The following PLCXD3 variants were observed in gnomAD, a reference collection of about 807,000 sequenced individuals.
PLCXD3 encodes phosphatidylinositol specific phospholipase C X domain containing 3, also known as PI-PLC X domain-containing protein 3.
In PLCXD3, 19 loss-of-function variants were observed where a neutral mutation model predicts 25.5. The ratio of observed to expected loss-of-function variants is 0.75; its 90% CI spans 0.52 to 1.09. The LOEUF (loss-of-function observed/expected upper bound fraction) is 1.09. Ranked by LOEUF, PLCXD3 falls within the 50% of genes least tolerant of loss-of-function variation. The probability of loss-of-function intolerance (pLI) is 0.00; values close to 1 mark genes in which losing one functional copy is unlikely to be tolerated. For missense variants in PLCXD3, 411 were observed against 388.1 expected (o/e 1.06, Z -0.50); for synonymous variants, 174 against 137.6 (o/e 1.26, Z -1.85).
At chr5:41,507,084 G>A (rs1749065026) in intron 1 of PLCXD3, among the ~76,000 whole-genome samples, 2 of 152,172 alleles carry the variant, frequency 1.3e-5, no homozygotes, top group African/African-American at 2.4e-5. Context: ...CACCTTATGT[G>A]TTCCCATGAT....
rs569035941 is a variant in PLCXD3, at chr5:41,363,008, T to G, written c.812+18818A>C. ...TTTTTACAACATATTATAGTACATATGTCCATAGAAACTGTCATTGTTACC... is the reference window on the plus strand; with the variant it reads ...TTTTTACAACATATTATAGTACATAGGTCCATAGAAACTGTCATTGTTACC... On this transcript the variant is annotated intron_variant, in intron 2 of 2. Coordinates refer to ENST00000377801, the MANE Select transcript of PLCXD3 (RefSeq NM_001005473.3). Among the ~76,000 whole-genome samples the G allele has an allele frequency of 6.6e-5, 10 of 152,316 alleles. No homozygotes were observed. The South Asian group carries it at 1.9e-3, about 28-fold the overall frequency.
intron 2 of PLCXD3, among the ~76,000 whole-genome samples, chr5:41,364,721 C>A (rs1021810197): frequency 6.6e-6 from 1 of 152,270 alleles, no homozygotes; most frequent in East Asian, 1.9e-4. Context: ...AAAAGCAGTG[C>A]AAAGGCCAAC....
intron 1 of PLCXD3, among the ~76,000 whole-genome samples, chr5:41,422,636 A>G (rs1471136387): frequency 6.6e-6 from 1 of 152,160 alleles, no homozygotes; most frequent in African/African-American, 2.4e-5. Flanking sequence ...ACCTTCCAAC[A>G]TTATATTTCT....
chr5:41,452,293 G>C, intron 1 of PLCXD3, among the ~76,000 whole-genome samples: 1 of 152,044 alleles, frequency 6.6e-6, no homozygotes, highest in East Asian at 1.9e-4. Context: ...GAATGGCAAA[G>C]GGGAACTGAT....
At chr5:41,483,931 C>T (rs915449916) in intron 1 of PLCXD3, among the ~76,000 whole-genome samples, 4 of 152,034 alleles carry the variant, frequency 2.6e-5, no homozygotes, top group African/African-American at 9.7e-5. Context: ...TTTTACTGAT[C>T]TTGGTATTCT....
chr5:41,484,913 A>G (rs1485431618), intron 1 of PLCXD3, among the ~76,000 whole-genome samples: 1 of 152,174 alleles, frequency 6.6e-6, no homozygotes, highest in Non-Finnish European at 1.5e-5. Flanking sequence ...AAATCCTTGT[A>G]GGCAATTAAA....
Position 41,314,639 on chromosome 5 carries a change from T to C in PLCXD3, c.813-869A>G, listed in dbSNP as rs571584775. ...CAAGGGAGTTAGTCATGTGGCTATC[T>C]AGGGAAAGCATCCCAGCTATTGCCA... is the stretch of plus-strand genomic sequence containing the variant. On this transcript the variant is annotated intron_variant, in intron 2 of 2. Coordinates refer to ENST00000377801, the MANE Select transcript of PLCXD3 (RefSeq NM_001005473.3). 5.3e-5 allele frequency among the ~76,000 whole-genome samples: 8 copies of C among 152,256 alleles called. No homozygotes were observed. In the South Asian group the frequency reaches 1.7e-3, roughly 32 times the overall value.
chr5:41,403,336 A>G (rs1217570541), intron 1 of PLCXD3, among the ~76,000 whole-genome samples: 2 of 143,504 alleles, frequency 1.4e-5, no homozygotes, highest in African/African-American at 5.2e-5. Flanking sequence ...TTGTAAGCAT[A>G]CAGAAAAGTA....
chr5:41,382,818 T>A (rs901721851), intron 1 of PLCXD3, among the ~76,000 whole-genome samples: 15 of 152,104 alleles, frequency 9.9e-5, no homozygotes, highest in Non-Finnish European at 1.6e-4. Flanking sequence ...AAGAATGTAA[T>A]ACACTCACTA....
Position 41,309,926 on chromosome 5 carries a change from G to T in PLCXD3, c.*3691C>A. On this transcript the variant is annotated 3_prime_UTR_variant, in exon 3 of 3. Transcript: ENST00000377801. ...AATGTAGGAGATATTGATTTTAAGA[G>T]TTGAAACAGCAATAGACTCAGATTG... 6.6e-6 allele frequency: 1 copy of T among 152,078 alleles called. No individual in the cohort carries two copies. Among genetic ancestry groups the T allele is most frequent in the Admixed American group, 6.6e-5 (1 of 15,242 alleles). 9.4% of individuals were successfully genotyped at this position (152,078 alleles called of 1,614,324 possible). A position where few individuals can be genotyped will look rare whatever the true frequency, so the allele number is the denominator to read the frequency against.
At chr5:41,417,445 A>G (rs1746720504) in intron 1 of PLCXD3, among the ~76,000 whole-genome samples, 1 of 152,224 alleles carries the variant, frequency 6.6e-6, no homozygotes, top group Admixed American at 6.5e-5. Flanking sequence ...AAGAGAGGTT[A>G]GAGAAGGCTG....
At chr5:41,480,259 G>C (rs1014354897) in intron 1 of PLCXD3, among the ~76,000 whole-genome samples, 2 of 152,140 alleles carry the variant, frequency 1.3e-5, no homozygotes, top group Non-Finnish European at 2.9e-5. Context: ...CCATCTCCTA[G>C]GGTCAAGGAC....
rs548538072 is a variant in PLCXD3, at chr5:41,491,297, G to T, written c.103+19127C>A. Among the ~76,000 whole-genome samples the T allele has an allele frequency of 2.6e-5, 4 of 152,364 alleles. No homozygotes were observed. In the South Asian group the frequency reaches 8.3e-4, roughly 32 times the overall value. ...AGTTTGATTGCACTGTGGTCTGAGA[G>T]ATAGTTTGTTATAATTTCTGATCTT... On this transcript the variant is annotated intron_variant, in intron 1 of 2. Coordinates refer to ENST00000377801, the MANE Select transcript of PLCXD3 (RefSeq NM_001005473.3).
intron 1 of PLCXD3, among the ~76,000 whole-genome samples, chr5:41,413,844 T>C (rs1746626382): frequency 6.6e-6 from 1 of 152,142 alleles, no homozygotes; most frequent in African/African-American, 2.4e-5. Flanking sequence ...TCCCATAAGA[T>C]ACAAATATGT....
At chr5:41,457,028 A>C (rs1231558724) in intron 1 of PLCXD3, among the ~76,000 whole-genome samples, 1 of 151,910 alleles carries the variant, frequency 6.6e-6, no homozygotes, top group African/African-American at 2.4e-5. Context: ...TAACAGGAAA[A>C]CATACATACC....
chr5:41,447,436 A>G (rs1747528932), intron 1 of PLCXD3, among the ~76,000 whole-genome samples: 1 of 152,242 alleles, frequency 6.6e-6, no homozygotes, highest in Non-Finnish European at 1.5e-5. Flanking sequence ...TCAATATCAA[A>G]TCATGTGGGA....
chr5:41,406,136 T>G (rs1746343567), intron 1 of PLCXD3, among the ~76,000 whole-genome samples: 1 of 152,070 alleles, frequency 6.6e-6, no homozygotes, highest in South Asian at 2.1e-4. Context: ...TTCCTAGATT[T>G]TCTTCTCTTT....
At chr5:41,507,812 G>C (rs1028248198) in intron 1 of PLCXD3, among the ~76,000 whole-genome samples, 5 of 152,198 alleles carry the variant, frequency 3.3e-5, no homozygotes, top group African/African-American at 1.2e-4. Context: ...TTGAGCTGTA[G>C]CAACTGGCCA....
intron 1 of PLCXD3, among the ~76,000 whole-genome samples, chr5:41,469,920 G>T (rs1418149134): frequency 6.6e-6 from 1 of 152,114 alleles, no homozygotes; most frequent in Admixed American, 6.5e-5. Context: ...TGTCATGTAT[G>T]GTTTTAAACA....
Sources: allele counts gnomAD v4.1 joint callset (sites outside exome capture counted in the v4.1 genomes callset), GRCh38; gene constraint gnomAD v4.1.1; transcripts MANE v1.5; gene names NCBI Gene and HGNC (gene_info 2026-07-23, HGNC 2026-07-21).